QTMAN: variants seen among roughly 807,000 people sequenced by gnomAD.
The protein encoded by QTMAN is queuosine-tRNA mannosyltransferase, also known as tRNA-queuosine alpha-mannosyltransferase.
the QTMAN span, among the ~76,000 whole-genome samples, chr2:144,172,537 T>C: frequency 6.6e-6 from 1 of 150,668 alleles, no homozygotes; most frequent in African/African-American, 2.5e-5. Flanking sequence ...GGCAAGAGAA[T>C]TGCTTTAACC....
chr2:144,301,074 A>G, the QTMAN span, among the ~76,000 whole-genome samples: 1 of 152,248 alleles, frequency 6.6e-6, no homozygotes, highest in Non-Finnish European at 1.5e-5. Flanking sequence ...TGCAATGCCA[A>G]TGTTTTAATC....
At chr2:144,215,609 C>T in the QTMAN span, among the ~76,000 whole-genome samples, 1 of 152,002 alleles carries the variant, frequency 6.6e-6, no homozygotes, top group African/African-American at 2.4e-5. Context: ...AAAATATTAA[C>T]CCTCTTTCAA....
the QTMAN span, among the ~76,000 whole-genome samples, chr2:144,169,873 T>A: frequency 6.6e-6 from 1 of 152,084 alleles, no homozygotes; most frequent in Admixed American, 6.6e-5. Flanking sequence ...TGTATTTTCA[T>A]TATAGGATAA....
At chr2:144,082,827 G>A in the QTMAN span, among the ~76,000 whole-genome samples, 5 of 151,890 alleles carry the variant, frequency 3.3e-5, no homozygotes, top group Admixed American at 2.6e-4. Flanking sequence ...ATTTTTATCT[G>A]AATTTTCTAT....
At chr2:144,224,502 T>C in the QTMAN span, among the ~76,000 whole-genome samples, 38 of 152,298 alleles carry the variant, frequency 2.5e-4, no homozygotes, top group Non-Finnish European at 2.5e-4. Context: ...ATTAAATGTA[T>C]GTCAGATGAG....
At chr2:144,067,932 A>G in the QTMAN span, among the ~76,000 whole-genome samples, 1 of 152,210 alleles carries the variant, frequency 6.6e-6, no homozygotes, top group South Asian at 2.1e-4. Context: ...ATGACCTGTT[A>G]TTAAGTCAGC....
chr2:143,997,900 T>G, the QTMAN span, among the ~76,000 whole-genome samples: 2 of 152,118 alleles, frequency 1.3e-5, no homozygotes, highest in East Asian at 3.8e-4. Flanking sequence ...ATGAGGAACA[T>G]TAACCCCTGG....
chr2:144,083,090 T>C, the QTMAN span, among the ~76,000 whole-genome samples: 1 of 126,814 alleles, frequency 7.9e-6, no homozygotes, highest in Non-Finnish European at 1.8e-5. Context: ...AATAATGCCT[T>C]AGGCTTGGAT....
At chr2:144,246,742 G>T in the QTMAN span, among the ~76,000 whole-genome samples, 6 of 152,216 alleles carry the variant, frequency 3.9e-5, no homozygotes, top group South Asian at 8.3e-4. Flanking sequence ...TGGACAACCT[G>T]CTGTCACCTG....
chr2:143,956,314 T>G, the QTMAN span, among the ~76,000 whole-genome samples: 1 of 152,146 alleles, frequency 6.6e-6, no homozygotes, highest in Admixed American at 6.5e-5. Flanking sequence ...CTAAAGGGTA[T>G]AGAGTAAGTC....
the QTMAN span, among the ~76,000 whole-genome samples, chr2:144,038,483 A>G: frequency 6.6e-6 from 1 of 152,206 alleles, no homozygotes; most frequent in Non-Finnish European, 1.5e-5. Flanking sequence ...ATGAGAACAA[A>G]TGTGGTTTCC....
At chr2:144,301,903 A>G in the QTMAN span, among the ~76,000 whole-genome samples, 1 of 152,350 alleles carries the variant, frequency 6.6e-6, no homozygotes, top group African/African-American at 2.4e-5. Context: ...GGATGACCTC[A>G]GTAAATGGCA....
the QTMAN span, among the ~76,000 whole-genome samples, chr2:144,165,378 TA>T: frequency 6.7e-6 from 1 of 149,710 alleles, no homozygotes; most frequent in Non-Finnish European, 1.5e-5. Flanking sequence ...CTCAAAAAAA[TA>T]AATAAATAAA....
At chr2:144,253,851 A>T in the QTMAN span, among the ~76,000 whole-genome samples, 1 of 152,156 alleles carries the variant, frequency 6.6e-6, no homozygotes, top group African/African-American at 2.4e-5. Flanking sequence ...TAACCAAGAC[A>T]GGGGAAAATG....
chr2:143,990,021 C>G, the QTMAN span, among the ~76,000 whole-genome samples: 1 of 152,100 alleles, frequency 6.6e-6, no homozygotes, highest in African/African-American at 2.4e-5. Flanking sequence ...TCATTTCAGA[C>G]CAAATGAATC....
the QTMAN span, among the ~76,000 whole-genome samples, chr2:144,307,188 TAA>T: frequency 3.7e-5 from 3 of 81,262 alleles, no homozygotes; most frequent in African/African-American, 4.6e-5. Context: ...AAAAAACAAT[TAA>T]AAAAAAAAAA....
At chr2:144,003,448 T>C in the QTMAN span, among the ~76,000 whole-genome samples, 2 of 150,724 alleles carry the variant, frequency 1.3e-5, no homozygotes, top group African/African-American at 4.9e-5. Context: ...GCAGTGCCAA[T>C]TGCAGCCTGT....
At chr2:144,188,278 T>G in the QTMAN span, among the ~76,000 whole-genome samples, 1 of 150,520 alleles carries the variant, frequency 6.6e-6, no homozygotes, top group South Asian at 2.1e-4. Flanking sequence ...TAGCACCAAT[T>G]TTTTTTTTTA....
the QTMAN span, among the ~76,000 whole-genome samples, chr2:144,072,190 CTCAG>C: frequency 6.6e-6 from 1 of 152,134 alleles, no homozygotes; most frequent in Admixed American, 6.5e-5. Context: ...TTTGCTTATG[CTCAG>C]TCAGTTTTAT....
Sources: allele counts gnomAD v4.1 joint callset (sites outside exome capture counted in the v4.1 genomes callset), GRCh38; gene constraint gnomAD v4.1.1; transcripts MANE v1.5; gene names NCBI Gene and HGNC (gene_info 2026-07-23, HGNC 2026-07-21).